DCLK2: variants seen among roughly 807,000 people sequenced by gnomAD.
DCLK2 encodes serine/threonine-protein kinase DCLK2.
In DCLK2, 31 loss-of-function variants were observed where a neutral mutation model predicts 78.4. The ratio of observed to expected loss-of-function variants is 0.40; its 90% confidence interval spans 0.30 to 0.53. DCLK2 has a LOEUF of 0.53. DCLK2 is among the 20% of genes least tolerant of loss of function. The pLI is 0.61. For synonymous variants in DCLK2, 407 were observed against 374.9 expected, an observed-to-expected ratio of 1.09 and a Z score of -0.99; for missense variants, 872 against 973.7, an observed-to-expected ratio of 0.90 and a Z score of 1.39.
chr4:150,189,197 TA>T (rs1286399729), intron 2 of DCLK2, among the ~76,000 whole-genome samples: 12 of 151,286 alleles, frequency 7.9e-5, no homozygotes, highest in Non-Finnish European at 1.5e-4. Context: ...TTTCCCTTTT[TA>T]AAAAAAATTA....
At chr4:150,164,994 C>T (rs1436103238) in intron 2 of DCLK2, among the ~76,000 whole-genome samples, 1 of 152,166 alleles carries the variant, frequency 6.6e-6, no homozygotes. Flanking sequence ...TATGACAACA[C>T]TTGTTTTGGT....
At chr4:150,204,738 A>G (rs1022157037) in intron 5 of DCLK2, among the ~76,000 whole-genome samples, 1 of 152,118 alleles carries the variant, frequency 6.6e-6, no homozygotes, top group Non-Finnish European at 1.5e-5. Flanking sequence ...CTAAAAATAC[A>G]AAAATTAGCC....
chr4:150,221,894 G>A, intron 7 of DCLK2, 109 bp downstream of exon 7: 2 of 673,796 alleles, frequency 3.0e-6, no homozygotes, highest in Non-Finnish European at 4.7e-6. Context: ...TTTTAAAAAG[G>A]CCCTTCTGGA....
At chr4:150,192,203 G>C (rs2126367310) in intron 2 of DCLK2, among the ~76,000 whole-genome samples, 1 of 152,146 alleles carries the variant, frequency 6.6e-6, no homozygotes, top group Middle Eastern at 3.4e-3. Flanking sequence ...AAATTGGGCT[G>C]GGCATGGTGA....
chr4:150,249,592 A>C lies in DCLK2; in HGVS notation c.1981A>C (p.Met661Leu), dbSNP rs1743595267. 1.2e-6 allele frequency: 2 copies of C among 1,613,624 alleles called. No individual in the cohort carries two copies. The highest frequency in any genetic ancestry group is 3.3e-5 in the Admixed American group (2 of 59,998). ...GGATGATGCCTCCCAGGAGAATAAC[A>C]TGCAAGCTGAGGTGACAGGTAAACT... ...VSDDASQENNMQAEVTGKLKQ... is the reference protein window; with the variant it reads ...VSDDASQENNLQAEVTGKLKQ... The change falls in exon 15 of 16, where the codon ATG (methionine) becomes CTG (leucine). Residue 661 changes from methionine to leucine, a missense_variant. Met to Leu is a conservative substitution (Grantham distance 15). Transcript: ENST00000296550.
intron 2 of DCLK2, among the ~76,000 whole-genome samples, chr4:150,106,165 C>T (rs1012260717): frequency 2.6e-5 from 4 of 151,236 alleles, no homozygotes; most frequent in South Asian, 2.1e-4. Context: ...TTCAGCGAAC[C>T]GGGTATTCTT....
intron 5 of DCLK2, among the ~76,000 whole-genome samples, chr4:150,214,953 CAAAAAA>C (rs60156550): frequency 2.3e-5 from 2 of 86,474 alleles, no homozygotes; most frequent in African/African-American, 8.5e-5. Context: ...CAGAGTGTCT[CAAAAAA>C]AAAAAAAAAA....
intron 2 of DCLK2, among the ~76,000 whole-genome samples, chr4:150,181,379 GCAAT>G (rs1737505673): frequency 6.6e-6 from 1 of 152,004 alleles, no homozygotes; most frequent in African/African-American, 2.4e-5. Context: ...TCAGTAGGGG[GCAAT>G]CAGAGGACTG....
At chr4:150,182,020 A>G (rs1737566791) in intron 2 of DCLK2, among the ~76,000 whole-genome samples, 1 of 151,532 alleles carries the variant, frequency 6.6e-6, no homozygotes. Flanking sequence ...TATTTCAGAT[A>G]TGGTTTCCCT....
intron 5 of DCLK2, among the ~76,000 whole-genome samples, chr4:150,208,794 A>T (rs189070394): frequency 6.6e-6 from 1 of 152,186 alleles, no homozygotes; most frequent in South Asian, 2.1e-4. Flanking sequence ...CATTATTTCC[A>T]CCTAACCCCA....
intron 1 of DCLK2, among the ~76,000 whole-genome samples, chr4:150,084,521 C>G (rs1307253652): frequency 6.6e-6 from 1 of 152,112 alleles, no homozygotes; most frequent in African/African-American, 2.4e-5. Context: ...TGCTATAATA[C>G]AGCTGCATAA....
At chr4:150,079,515 G>A in intron 1 of DCLK2, 67 bp downstream of exon 1, 1 of 1,405,372 alleles carries the variant, frequency 7.1e-7, no homozygotes. Context: ...GCGTGAGCCG[G>A]CGCAGCGGGG....
intron 10 of DCLK2, among the ~76,000 whole-genome samples, chr4:150,238,255 G>A (rs1292948907): frequency 6.6e-6 from 1 of 151,932 alleles, no homozygotes; most frequent in African/African-American, 2.4e-5. Context: ...TTTCCCATAT[G>A]ATTAATATAT....
At chr4:150,254,966 C>A (rs999398772) in intron 15 of DCLK2, among the ~76,000 whole-genome samples, 4 of 152,186 alleles carry the variant, frequency 2.6e-5, no homozygotes, top group African/African-American at 7.2e-5. Context: ...GTGTGAGCCA[C>A]TGCACCCGGC....
intron 2 of DCLK2, among the ~76,000 whole-genome samples, chr4:150,139,186 G>A (rs896649653): frequency 2.0e-5 from 3 of 152,146 alleles, no homozygotes; most frequent in Non-Finnish European, 2.9e-5. Flanking sequence ...TTATTTAAAT[G>A]TGAGAATTAT....
chr4:150,204,917 T>C (rs569804684), intron 5 of DCLK2, among the ~76,000 whole-genome samples: 1 of 152,244 alleles, frequency 6.6e-6, no homozygotes, highest in African/African-American at 2.4e-5. Context: ...GAATTTCCTT[T>C]GTAGAAACAA....
At chr4:150,082,050 C>T (rs1273500749) in intron 1 of DCLK2, among the ~76,000 whole-genome samples, 1 of 151,212 alleles carries the variant, frequency 6.6e-6, no homozygotes, top group Non-Finnish European at 1.5e-5. Flanking sequence ...CGAATGCTTA[C>T]TGTCAATCAT....
At chr4:150,155,110 T>C (rs976676415) in intron 2 of DCLK2, among the ~76,000 whole-genome samples, 3 of 152,298 alleles carry the variant, frequency 2.0e-5, no homozygotes, top group Admixed American at 6.5e-5. Flanking sequence ...CATGCACCTG[T>C]GGTCCCAGCT....
chr4:150,181,065 A>T (rs1737473976), intron 2 of DCLK2, among the ~76,000 whole-genome samples: 1 of 152,076 alleles, frequency 6.6e-6, no homozygotes, highest in Non-Finnish European at 1.5e-5. Flanking sequence ...GTCCAATTAT[A>T]TTTCTACATG....
Sources: gnomAD v4.1 joint callset for allele counts (sites outside exome capture counted in the v4.1 genomes callset) on GRCh38, gnomAD v4.1.1 for gene constraint, MANE v1.5 for transcripts, NCBI Gene and HGNC (gene_info 2026-07-23, HGNC 2026-07-21) for gene names.